Variants in ST6GALNAC5 observed in about 807,000 individuals in gnomAD.
ST6GALNAC5 encodes alpha-N-acetylgalactosaminide alpha-2,6-sialyltransferase 5.
In ST6GALNAC5, 27 loss-of-function variants were observed where a neutral mutation model predicts 33.6. The ratio of observed to expected loss-of-function variants is 0.80; its 90% confidence interval spans 0.59 to 1.11. ST6GALNAC5 has a LOEUF of 1.11. Among genes scored for constraint, ST6GALNAC5 ranks in the 50% least tolerant of loss-of-function variants. The pLI, the probability that ST6GALNAC5 is intolerant of heterozygous loss-of-function variation, is 0.00. For missense variants in ST6GALNAC5, 428 were observed against 454.0 expected, an observed-to-expected ratio of 0.94 and a Z score of 0.52; for synonymous variants, 194 against 171.2, an observed-to-expected ratio of 1.13 and a Z score of -1.04.
intron 2 of ST6GALNAC5, among the ~76,000 whole-genome samples, chr1:76,958,404 T>G (rs1648091192): frequency 6.6e-6 from 1 of 152,344 alleles, no homozygotes; most frequent in Non-Finnish European, 1.5e-5. Context: ...TTTCACCTGC[T>G]GAAATGTTTT....
chr1:76,955,440 G>A (rs1056713018), intron 2 of ST6GALNAC5, among the ~76,000 whole-genome samples: 3 of 152,132 alleles, frequency 2.0e-5, no homozygotes, highest in Admixed American at 2.0e-4. Context: ...CAGTATGGTA[G>A]TAATTGACTC....
At chr1:77,003,530 C>T (rs1323584181) in intron 2 of ST6GALNAC5, among the ~76,000 whole-genome samples, 2 of 150,062 alleles carry the variant, frequency 1.3e-5, no homozygotes, top group Non-Finnish European at 3.0e-5. Flanking sequence ...TTGATCCTGT[C>T]ATTATGATGT....
At chr1:77,015,181 G>A (rs992828056) in intron 2 of ST6GALNAC5, among the ~76,000 whole-genome samples, 1 of 152,146 alleles carries the variant, frequency 6.6e-6, no homozygotes, top group African/African-American at 2.4e-5. Context: ...AGGAAAGCCA[G>A]TAGGGTAAAT....
chr1:76,952,098 A>G (rs531632700), intron 2 of ST6GALNAC5, among the ~76,000 whole-genome samples: 1 of 152,124 alleles, frequency 6.6e-6, no homozygotes, highest in Admixed American at 6.6e-5. Flanking sequence ...TTAATATGTA[A>G]TATTTACATT....
Position 76,868,927 on chromosome 1 carries a change from C to T in ST6GALNAC5, c.261+185C>T. ...GTATGAATTCTTATTTGGAGAAAGACACAAAGTTTTGTAGAAAATAGGGGT... is the reference window on the plus strand; with the variant it reads ...GTATGAATTCTTATTTGGAGAAAGATACAAAGTTTTGTAGAAAATAGGGGT... On this transcript the variant is annotated intron_variant, in intron 2 of 4. Coordinates refer to ENST00000477717, the MANE Select transcript of ST6GALNAC5 (RefSeq NM_030965.3). The surrounding 1 kb of genome is among the most constrained non-coding windows in gnomAD (Gnocchi z 4.3). 2 of 1,031,016 alleles carry T rather than the reference C, an allele frequency of 1.9e-6. No individual in the cohort carries two copies. Among genetic ancestry groups the T allele is most frequent in the Non-Finnish European group, 2.7e-6 (2 of 753,594 alleles). The allele number at this position is 1,031,016 out of a possible 1,614,324, so 63.9% of individuals were successfully genotyped here.
chr1:76,979,372 A>G (rs1649156343), intron 2 of ST6GALNAC5, among the ~76,000 whole-genome samples: 1 of 152,238 alleles, frequency 6.6e-6, no homozygotes, highest in Non-Finnish European at 1.5e-5. Context: ...ACCTGATTTT[A>G]AAATACACTA....
rs1288669424 is a variant in ST6GALNAC5, at chr1:77,063,439, G to A, written c.*233G>A. 5 of 522,566 alleles carry A rather than the reference G, an allele frequency of 9.6e-6. No individual in the cohort carries two copies. Among genetic ancestry groups the A allele is most frequent in the African/African-American group, 1.9e-5 (1 of 52,610 alleles). 32.4% of individuals were successfully genotyped at this position (522,566 alleles called of 1,614,324 possible). On this transcript the variant is annotated 3_prime_UTR_variant, in exon 5 of 5. Coordinates refer to ENST00000477717, the MANE Select transcript of ST6GALNAC5 (RefSeq NM_030965.3). ...TGTCCCCTTCAATGGTGTTACCTTAGGAGCTGAACATTCAATTCAGTTACA... is the reference window on the plus strand; with the variant it reads ...TGTCCCCTTCAATGGTGTTACCTTAAGAGCTGAACATTCAATTCAGTTACA...
At chr1:76,915,128 C>T (rs1280502662) in intron 2 of ST6GALNAC5, among the ~76,000 whole-genome samples, 22 of 151,672 alleles carry the variant, frequency 1.5e-4, no homozygotes, top group Non-Finnish European at 2.9e-5. Context: ...AAATGCAAAT[C>T]AAAACCACAA....
At chr1:76,981,088 G>T (rs1339466907) in intron 2 of ST6GALNAC5, among the ~76,000 whole-genome samples, 1 of 152,196 alleles carries the variant, frequency 6.6e-6, no homozygotes, top group Admixed American at 6.5e-5. Context: ...CAGAAGACAG[G>T]TGATTTCTGC....
chr1:76,990,027 G>C (rs1440032284), intron 2 of ST6GALNAC5, among the ~76,000 whole-genome samples: 1 of 152,120 alleles, frequency 6.6e-6, no homozygotes, highest in Non-Finnish European at 1.5e-5. Context: ...AGTATTTTAA[G>C]ATTTAGGATA....
chr1:76,998,994 A>G (rs1650041834), intron 2 of ST6GALNAC5, among the ~76,000 whole-genome samples: 2 of 152,192 alleles, frequency 1.3e-5, no homozygotes, highest in African/African-American at 4.8e-5. Flanking sequence ...TCTGGTGACT[A>G]TGAAAGGGAG....
chr1:76,915,921 A>T (rs1456285307), intron 2 of ST6GALNAC5, among the ~76,000 whole-genome samples: 1 of 151,042 alleles, frequency 6.6e-6, no homozygotes, highest in Non-Finnish European at 1.5e-5. Flanking sequence ...TAATAATAAT[A>T]ATAATTTTTT....
chr1:76,868,787 C>A lies in ST6GALNAC5; in HGVS notation c.261+45C>A, dbSNP rs922228962. ...CCCGCTCGCCACTCAGCCTGGGGATCCCGCACACCTGAGCCTTCCCCCTTT... is the reference window on the plus strand; with the variant it reads ...CCCGCTCGCCACTCAGCCTGGGGATACCGCACACCTGAGCCTTCCCCCTTT... On this transcript the variant is annotated intron_variant, in intron 2 of 4. Transcript: ENST00000477717. The surrounding 1 kb of genome is among the most constrained non-coding windows in gnomAD (Gnocchi z 4.3). The A allele has an allele frequency of 3.7e-5, 54 of 1,454,588 alleles. No homozygotes were observed. The highest frequency in any genetic ancestry group is 3.2e-4 in the Admixed American group (12 of 37,360). The allele number at this position is 1,454,588 out of a possible 1,614,324, so 90.1% of individuals were successfully genotyped here. A position where few individuals can be genotyped will look rare whatever the true frequency, so the allele number is the denominator to read the frequency against.
At chr1:76,918,299 A>G (rs1277129049) in intron 2 of ST6GALNAC5, among the ~76,000 whole-genome samples, 1 of 152,102 alleles carries the variant, frequency 6.6e-6, no homozygotes, top group Non-Finnish European at 1.5e-5. Flanking sequence ...TTACCACAAC[A>G]TCAGTAATGG....
chr1:77,044,091 G>T lies in ST6GALNAC5; in HGVS notation c.262-113G>T, dbSNP rs930945151. 3.2e-5 allele frequency: 37 copies of T among 1,159,334 alleles called. No individual in the cohort carries two copies. The African/African-American group carries it at 5.5e-4, about 17-fold the overall frequency. 71.8% of individuals were successfully genotyped at this position (1,159,334 alleles called of 1,614,324 possible). On this transcript the variant is annotated intron_variant, in intron 2 of 4. Transcript: ENST00000477717. ...GAAGGGATATACTCTGACATGATGG[G>T]GAGGAGAGAAGAGATGGGTGCCCTT...
At chr1:76,873,596 A>G (rs1272778580) in intron 2 of ST6GALNAC5, among the ~76,000 whole-genome samples, 1 of 152,142 alleles carries the variant, frequency 6.6e-6, no homozygotes, top group Admixed American at 6.6e-5. Context: ...CAATCTCAAG[A>G]CCCTAGTATG....
At chr1:77,035,895 C>T (rs889576114) in intron 2 of ST6GALNAC5, among the ~76,000 whole-genome samples, 1 of 152,156 alleles carries the variant, frequency 6.6e-6, no homozygotes, top group Non-Finnish European at 1.5e-5. Context: ...AGTAATTCCC[C>T]TGCTAGACTT....
chr1:76,944,577 T>C (rs1330125942), intron 2 of ST6GALNAC5, among the ~76,000 whole-genome samples: 2 of 152,128 alleles, frequency 1.3e-5, no homozygotes, highest in African/African-American at 2.4e-5. Flanking sequence ...TGCTGGTATG[T>C]ACTCTGTATT....
At chr1:76,974,813 G>A (rs1174329219) in intron 2 of ST6GALNAC5, among the ~76,000 whole-genome samples, 4 of 17,668 alleles carry the variant, frequency 2.3e-4, no homozygotes, top group African/African-American at 4.3e-4. Context: ...GCAGAGTTTT[G>A]CTCTTGTTGC....
Sources: allele counts gnomAD v4.1 joint callset (sites outside exome capture counted in the v4.1 genomes callset), GRCh38; gene constraint gnomAD v4.1.1; non-coding constraint Gnocchi (gnomAD v3.1); transcripts MANE v1.5; gene names NCBI Gene and HGNC (gene_info 2026-07-23, HGNC 2026-07-21).